The following TTC4 variants were observed in gnomAD, a reference collection of about 807,000 sequenced individuals.
TTC4 encodes the protein hsp70/Hsp90 co-chaperone CNS1 homolog.
Under a neutral mutation model 51.9 loss-of-function variants are expected in TTC4, and 36 were observed. The ratio of observed to expected loss-of-function variants is 0.69; its 90% CI spans 0.53 to 0.92. The LOEUF is 0.92. TTC4 is among the 40% of genes least tolerant of loss of function. The pLI, the probability that TTC4 is intolerant of heterozygous loss-of-function variation, is 0.00. For synonymous variants in TTC4, 144 were observed against 164.2 expected, an observed-to-expected ratio of 0.88 and a Z score of 0.94; for missense variants, 399 against 454.6, an observed-to-expected ratio of 0.88 and a Z score of 1.11.
chr1:54,720,697 A>G (rs1645733153), intron 3 of TTC4, among the ~76,000 whole-genome samples: 1 of 152,102 alleles, frequency 6.6e-6, no homozygotes, highest in African/African-American at 2.4e-5. Context: ...CCAGCTTTTC[A>G]CAATTAAAGT....
intron 8 of TTC4, among the ~76,000 whole-genome samples, chr1:54,734,755 C>T (rs1194264008): frequency 6.6e-6 from 1 of 152,110 alleles, no homozygotes; most frequent in Non-Finnish European, 1.5e-5. Flanking sequence ...TAAAAAATCA[C>T]AATATCCAGT....
At chr1:54,722,937 C>T in intron 5 of TTC4, 138 bp downstream of exon 5, 4 of 1,144,390 alleles carry the variant, frequency 3.5e-6, no homozygotes, top group Admixed American at 2.7e-5. Flanking sequence ...CTCTGTGGAG[C>T]ACACAGACAA....
chr1:54,731,224 T>G (rs969079483), intron 6 of TTC4, among the ~76,000 whole-genome samples: 9 of 151,674 alleles, frequency 5.9e-5, no homozygotes, highest in Admixed American at 5.2e-4. Context: ...TGGTGTTTTT[T>G]TTTGTTTGTT....
intron 5 of TTC4, among the ~76,000 whole-genome samples, chr1:54,727,688 CAAAAAAAAAAAA>C (rs200521894): frequency 2.3e-5 from 1 of 43,618 alleles, no homozygotes; most frequent in East Asian, 4.5e-4. Context: ...CTCATCTCTA[CAAAAAAAAAAAA>C]AAAAAAAAAA....
intron 5 of TTC4, among the ~76,000 whole-genome samples, chr1:54,724,354 C>T (rs1485219636): frequency 6.6e-6 from 1 of 151,816 alleles, no homozygotes; most frequent in African/African-American, 2.4e-5. Flanking sequence ...CAGCCTTGAC[C>T]TCCTGGGATC....
intron 3 of TTC4, chr1:54,717,855 C>T: frequency 2.3e-6 from 1 of 441,660 alleles, no homozygotes; most frequent in Non-Finnish European, 3.7e-6. Flanking sequence ...CTTACTGTCT[C>T]AACCCAAAAA....
chr1:54,722,927 C>A, intron 5 of TTC4, 128 bp downstream of exon 5: 1 of 1,233,148 alleles, frequency 8.1e-7, no homozygotes, highest in Non-Finnish European at 1.1e-6. Flanking sequence ...ACTCCTGGAA[C>A]TCTGTGGAGC....
At chr1:54,738,713 A>G (rs1645977323) in intron 9 of TTC4, among the ~76,000 whole-genome samples, 1 of 147,032 alleles carries the variant, frequency 6.8e-6, no homozygotes, top group South Asian at 2.2e-4. Flanking sequence ...GCTGGAGTGC[A>G]GTGGTGCGAT....
chr1:54,740,072 G>A (rs573400408), intron 9 of TTC4, among the ~76,000 whole-genome samples: 2 of 152,282 alleles, frequency 1.3e-5, no homozygotes, highest in African/African-American at 2.4e-5. Context: ...CTATTTGGGA[G>A]GCTGAGGCAG....
chr1:54,732,286 A>T (rs1161330938), intron 7 of TTC4, among the ~76,000 whole-genome samples: 1 of 137,000 alleles, frequency 7.3e-6, no homozygotes, highest in East Asian at 2.2e-4. Flanking sequence ...ATGCCACTAC[A>T]CTCCAGCCTG....
intron 6 of TTC4, among the ~76,000 whole-genome samples, chr1:54,730,679 C>G (rs948862835): frequency 6.6e-6 from 1 of 152,096 alleles, no homozygotes; most frequent in Admixed American, 6.5e-5. Flanking sequence ...AGAGGTGACC[C>G]TACTATTTCA....
At chr1:54,716,106 C>G (rs746527803) in intron 1 of TTC4, 87 bp downstream of exon 1, 8 of 1,068,922 alleles carry the variant, frequency 7.5e-6, no homozygotes, top group Non-Finnish European at 1.1e-5. Context: ...TCCTTCAATC[C>G]CAGATCCCTG....
At chr1:54,732,910 A>C (rs1192226091) in intron 7 of TTC4, among the ~76,000 whole-genome samples, 1 of 151,830 alleles carries the variant, frequency 6.6e-6, no homozygotes. Flanking sequence ...ACATGGCAAA[A>C]TCCCGTGCCT....
Position 54,717,565 on chromosome 1 carries a change from A to C in TTC4, c.303A>C (p.Ser101=). The C allele has an allele frequency of 6.2e-7, 1 of 1,611,818 alleles. No homozygotes were observed. Among genetic ancestry groups the C allele is most frequent in the Non-Finnish European group, 8.5e-7 (1 of 1,179,184 alleles). Reference sequence around the variant, plus strand: ...AAGACTACAAGAAAGCTGTAATTTCATACACTGAAGGCTTAAAGAAGAAAT... The same window carrying C: ...AAGACTACAAGAAAGCTGTAATTTCCTACACTGAAGGCTTAAAGAAGAAAT... ...KEKDYKKAVI[S]YTEGLKKKCA... is the part of the protein sequence containing the mutation. Residue 101 remains serine, a synonymous_variant, in exon 3 of 10, where the codon TCA becomes TCC. Transcript: ENST00000371281.
intron 9 of TTC4, 66 bp from the exon 10 acceptor site, chr1:54,741,345 G>A: frequency 1.5e-6 from 2 of 1,316,800 alleles, no homozygotes; most frequent in Non-Finnish European, 2.2e-6. Context: ...ATGTTGTTAG[G>A]AAGGTGCATG....
intron 3 of TTC4, among the ~76,000 whole-genome samples, chr1:54,719,762 T>C (rs906294894): frequency 1.3e-5 from 2 of 152,204 alleles, no homozygotes; most frequent in African/African-American, 4.8e-5. Flanking sequence ...TTATAAATAA[T>C]GCAAAAATAA....
intron 5 of TTC4, among the ~76,000 whole-genome samples, chr1:54,723,517 G>C (rs1056496766): frequency 6.6e-6 from 1 of 152,142 alleles, no homozygotes; most frequent in African/African-American, 2.4e-5. Flanking sequence ...GACTAGTTCT[G>C]GCTTTCTATT....
intron 2 of TTC4, 76 bp downstream of exon 2, chr1:54,716,793 T>A (rs1390050445): frequency 1.7e-6 from 2 of 1,196,688 alleles, no homozygotes; most frequent in African/African-American, 3.1e-5. Context: ...GCGTTCTGAT[T>A]GATAACAAGA....
chr1:54,730,617 C>A (rs1645853643), intron 6 of TTC4, among the ~76,000 whole-genome samples: 1 of 152,112 alleles, frequency 6.6e-6, no homozygotes. Context: ...ATTTTGATTG[C>A]ATGTCATTTC....
Sources: gnomAD v4.1 joint callset for allele counts (sites outside exome capture counted in the v4.1 genomes callset) on GRCh38, gnomAD v4.1.1 for gene constraint, MANE v1.5 for transcripts, NCBI Gene and HGNC (gene_info 2026-07-23, HGNC 2026-07-21) for gene names.